The following ASAP3 variants were observed in gnomAD, a reference collection of about 807,000 sequenced individuals.
ASAP3 encodes the protein arf-GAP with SH3 domain, ANK repeat and PH domain-containing protein 3.
In ASAP3, 85 loss-of-function variants were observed where a neutral mutation model predicts 118.2. That is an observed-to-expected ratio of 0.72 (90% CI 0.60 to 0.86). The LOEUF (loss-of-function observed/expected upper bound fraction) is 0.86. Ranked by LOEUF, ASAP3 falls within the 40% of genes least tolerant of loss-of-function variation. The probability of loss-of-function intolerance (pLI) is 0.00; values close to 1 mark genes in which losing one functional copy is unlikely to be tolerated. For missense variants in ASAP3, 1,026 were observed against 1,175.0 expected, an observed-to-expected ratio of 0.87 and a Z score of 1.85; for synonymous variants, 432 against 477.4, an observed-to-expected ratio of 0.90 and a Z score of 1.24.
chr1:23,455,805 G>T, intron 3 of ASAP3, 76 bp downstream of exon 3: 1 of 1,573,122 alleles, frequency 6.4e-7, no homozygotes, highest in South Asian at 1.2e-5. Flanking sequence ...GGAAGGAAAC[G>T]GACCCTTTCC....
rs563280023 is a variant in ASAP3, at chr1:23,478,870, A to C, written c.129+5135T>G. Among the ~76,000 whole-genome samples the C allele has an allele frequency of 5.9e-5, 9 of 152,288 alleles. No homozygotes were observed. In the East Asian group the frequency reaches 1.3e-3, roughly 23 times the overall value. On this transcript the variant is annotated intron_variant, in intron 1 of 24. Coordinates refer to ENST00000336689, the MANE Select transcript of ASAP3 (RefSeq NM_017707.4). ...AATGATCTAAACCAGGGAGGTACAG[A>C]ACAGGATGGACACAGCACCTCTCCC... is the stretch of plus-strand genomic sequence containing the variant.
At position 23,435,850 on chromosome 1, in the gene ASAP3, C is replaced by A; in HGVS notation, c.1749+1G>T. The A allele has an allele frequency of 6.2e-7, 1 of 1,614,252 alleles. No individual in the cohort carries two copies. Among genetic ancestry groups the A allele is most frequent in the South Asian group, 1.1e-5 (1 of 91,090 alleles). On this transcript the variant is annotated splice_donor_variant, in intron 17 of 24. Coordinates refer to ENST00000336689, the MANE Select transcript of ASAP3 (RefSeq NM_017707.4). LOFTEE classifies it high-confidence loss of function. ...TAAGTGGCCCTTGGAGGGGTTCTCA[C>A]CTGTGCATCAGGCCCTGGCAGCGGC...
At chr1:23,464,122 C>G (rs1160556462) in intron 1 of ASAP3, among the ~76,000 whole-genome samples, 1 of 151,664 alleles carries the variant, frequency 6.6e-6, no homozygotes, top group African/African-American at 2.4e-5. Context: ...ATCGCTTGAG[C>G]CCAGGAGTTC....
intron 1 of ASAP3, among the ~76,000 whole-genome samples, chr1:23,459,747 C>T (rs1641508589): frequency 1.3e-5 from 2 of 152,198 alleles, no homozygotes; most frequent in Non-Finnish European, 2.9e-5. Context: ...AACCTCCACA[C>T]ATTATGTCTT....
Position 23,451,504 on chromosome 1 carries a change from C to T in ASAP3, c.448G>A (p.Ala150Thr), listed in dbSNP as rs1402553813. 1.9e-6 allele frequency: 3 copies of T among 1,614,086 alleles called. No homozygotes were observed. Among genetic ancestry groups the T allele is most frequent in the African/African-American group, 2.7e-5 (2 of 74,922 alleles). Reference sequence around the variant, plus strand: ...ATTTTGGCTTCATAGTCCTTCCATGCCTTCTCCAGCTGTTTTTTGGAATCC... The same window carrying T: ...ATTTTGGCTTCATAGTCCTTCCATGTCTTCTCCAGCTGTTTTTTGGAATCC... ...RQDSKKQLEK[A>T]WKDYEAKMAK... Residue 150 changes from alanine to threonine, a missense_variant, in exon 5 of 25, where the codon GCA (alanine) becomes ACA (threonine). Coordinates refer to ENST00000336689, the MANE Select transcript of ASAP3 (RefSeq NM_017707.4).
chr1:23,475,791 C>T (rs999115108), intron 1 of ASAP3, among the ~76,000 whole-genome samples: 1 of 152,050 alleles, frequency 6.6e-6, no homozygotes, highest in African/African-American at 2.4e-5. Flanking sequence ...GGCAACACAG[C>T]GAGACCTCAT....
At chr1:23,457,974 C>A (rs1262831849) in intron 1 of ASAP3, among the ~76,000 whole-genome samples, 1 of 152,170 alleles carries the variant, frequency 6.6e-6, no homozygotes, top group East Asian at 1.9e-4. Flanking sequence ...ATGAACAGCA[C>A]CTGTGATCGT....
chr1:23,431,170 C>A lies in ASAP3; in HGVS notation c.2547-45G>T, dbSNP rs202209032. 21 of 1,545,258 alleles carry A rather than the reference C, an allele frequency of 1.4e-5. No homozygotes were observed. In the African/African-American group the frequency reaches 2.5e-4, roughly 18 times the overall value. On this transcript the variant is annotated intron_variant, in intron 23 of 24. Transcript: ENST00000336689. The stretch of plus-strand genomic sequence containing the variant: ...CAACATGACCCTCATGTCCAGAGAG[C>A]CCCTCAGAGTGGGGAGAAAGGGCTC...
Position 23,451,499 on chromosome 1 carries a change from C to A in ASAP3, c.453G>T (p.Trp151Cys), listed in dbSNP as rs976560864. 1.9e-6 allele frequency: 3 copies of A among 1,614,198 alleles called. No individual in the cohort carries two copies. Among genetic ancestry groups the A allele is most frequent in the Non-Finnish European group, 2.5e-6 (3 of 1,180,028 alleles). Reference sequence around the variant, plus strand: ...CTTACATTTTGGCTTCATAGTCCTTCCATGCCTTCTCCAGCTGTTTTTTGG... The same window carrying A: ...CTTACATTTTGGCTTCATAGTCCTTACATGCCTTCTCCAGCTGTTTTTTGG... ...QDSKKQLEKA[W>C]KDYEAKMAKL... is the part of the protein sequence containing the mutation. The change falls in exon 5 of 25, where the codon TGG (tryptophan) becomes TGT (cysteine). Residue 151 changes from tryptophan (W) to cysteine (C), a missense_variant. Trp to Cys is a radical substitution (Grantham distance 215). Transcript: ENST00000336689.
intron 1 of ASAP3, among the ~76,000 whole-genome samples, chr1:23,470,247 T>C (rs1218909283): frequency 6.6e-6 from 1 of 152,184 alleles, no homozygotes; most frequent in East Asian, 1.9e-4. Context: ...AGGTTAGTCA[T>C]ACCCTACAAG....
chr1:23,449,508 A>G (rs547805687), intron 5 of ASAP3, among the ~76,000 whole-genome samples: 1 of 152,304 alleles, frequency 6.6e-6, no homozygotes, highest in East Asian at 1.9e-4. Context: ...GGGCCCTTCC[A>G]GCTGGGGCTC....
chr1:23,456,198 G>A lies in ASAP3; in HGVS notation c.130-4C>T. 1 of 1,613,858 alleles carries A rather than the reference G, an allele frequency of 6.2e-7. No individual in the cohort carries two copies. The highest frequency in any genetic ancestry group is 8.5e-7 in the Non-Finnish European group (1 of 1,179,868). On this transcript the variant is annotated splice_polypyrimidine_tract_variant and splice_region_variant and intron_variant, in intron 1 of 24. Coordinates refer to ENST00000336689, the MANE Select transcript of ASAP3 (RefSeq NM_017707.4). ...TGGCTTGGTCTCCTTCCAAGATCTG[G>A]AAGCAAATGTGGACAGAGGTTCAGG...
chr1:23,473,120 G>A (rs1012702320), intron 1 of ASAP3, among the ~76,000 whole-genome samples: 2 of 152,130 alleles, frequency 1.3e-5, no homozygotes, highest in Non-Finnish European at 2.9e-5. Context: ...CAGGCATTCA[G>A]TAAATATGGC....
Position 23,436,957 on chromosome 1 carries a change from C to A in ASAP3, c.1430G>T (p.Arg477Leu), listed in dbSNP as rs778593616. 7 of 1,612,142 alleles carry A rather than the reference C, an allele frequency of 4.3e-6. No individual in the cohort carries two copies. The African/African-American group carries it at 8.0e-5, about 18-fold the overall frequency. ...CAGGTCCAAGGTGAGTGACTGCATG[C>A]GCGAAAAGCGCACGCCCAGTTCGCG... ...VHRELGVRFS[R>L]MQSLTLDLLG... The change falls in exon 15 of 25, where the codon CGC becomes CTC. Residue 477 changes from arginine to leucine, a missense_variant. Arg to Leu is a moderately radical substitution (Grantham distance 102). Coordinates refer to ENST00000336689, the MANE Select transcript of ASAP3 (RefSeq NM_017707.4). The surrounding 1 kb of genome is among the most constrained non-coding windows in gnomAD (Gnocchi z 4.2).
At chr1:23,439,323 C>A in intron 10 of ASAP3, 93 bp from the exon 11 acceptor site, 1 of 1,139,088 alleles carries the variant, frequency 8.8e-7, no homozygotes. Context: ...CCTGTATGAT[C>A]TCTAGCCACA....
At chr1:23,441,863 A>G (rs891394386) in intron 7 of ASAP3, 133 bp from the exon 8 acceptor site, 7 of 907,252 alleles carry the variant, frequency 7.7e-6, no homozygotes, top group East Asian at 5.2e-5. Context: ...TCAAGAACAG[A>G]CACTCCATAG....
At chr1:23,442,644 G>A in intron 5 of ASAP3, 32 bp from the exon 6 acceptor site, 1 of 1,606,060 alleles carries the variant, frequency 6.2e-7, no homozygotes, top group Non-Finnish European at 8.5e-7. Context: ...GCCTGAACAA[G>A]TCTCACCAGC....
rs775567666 is a variant in ASAP3, at chr1:23,437,262, C to T, written c.1210G>A (p.Glu404Lys). The T allele has an allele frequency of 3.5e-5, 56 of 1,595,170 alleles. No individual in the cohort carries two copies. In the South Asian group the frequency reaches 5.3e-4, roughly 15 times the overall value. Residue 404 changes from glutamate to lysine, a missense_variant, in exon 14 of 25, where the codon GAG becomes AAG. By Grantham distance (56) the Glu-to-Lys change is moderately conservative. Coordinates refer to ENST00000336689, the MANE Select transcript of ASAP3 (RefSeq NM_017707.4). This position sits in a 1 kb window ranked among gnomAD's most constrained non-coding sequence, Gnocchi z 6.1. ...DEALSSAFLG[E>K]PSAGPGSWGS... is the part of the protein sequence containing the mutation. ...CAGGACCCCGGGCCAGCGCTGGGCT[C>T]CCCGAGGAAGGCGCTGCTCAGGGCT...
chr1:23,482,938 C>T (rs1186777698), intron 1 of ASAP3, among the ~76,000 whole-genome samples: 1 of 150,114 alleles, frequency 6.7e-6, no homozygotes, highest in Non-Finnish European at 1.5e-5. Flanking sequence ...GGCGACACAG[C>T]GAGACTCCGT....
Sources: allele counts gnomAD v4.1 joint callset (sites outside exome capture counted in the v4.1 genomes callset), GRCh38; gene constraint gnomAD v4.1.1; non-coding constraint Gnocchi (gnomAD v3.1); transcripts MANE v1.5; gene names NCBI Gene and HGNC (gene_info 2026-07-23, HGNC 2026-07-21).